The following ANKS1B variants were observed in gnomAD, a reference collection of about 807,000 sequenced individuals.
ANKS1B encodes the protein ankyrin repeat and sterile alpha motif domain-containing protein 1B.
Under a neutral mutation model 148.3 loss-of-function variants are expected in ANKS1B, and 36 were observed. The observed-to-expected ratio is 0.24, with a 90% CI of 0.19 to 0.32. The LOEUF (loss-of-function observed/expected upper bound fraction) is 0.32. ANKS1B is among the 10% of genes least tolerant of loss of function. ANKS1B has a pLI of 1.00. For missense variants in ANKS1B, 1,157 were observed against 1,542.6 expected (o/e 0.75, Z 4.19); for synonymous variants, 542 against 560.8 (o/e 0.97, Z 0.47).
intron 2 of ANKS1B, among the ~76,000 whole-genome samples, chr12:99,816,034 C>T (rs79558142): frequency 0.016 from 2,469 of 151,850 alleles, 77 homozygotes; most frequent in African/African-American, 0.056. Context: ...GATAGATCTG[C>T]TTTTAGTTCT....
At chr12:98,746,915 C>T (rs1019399685) in intron 26 of ANKS1B, among the ~76,000 whole-genome samples, 1 of 152,130 alleles carries the variant, frequency 6.6e-6, no homozygotes, top group African/African-American at 2.4e-5. Flanking sequence ...CAGAAATCAA[C>T]TCAAAATGGA....
At chr12:98,845,471 C>T (rs972093057) in intron 17 of ANKS1B, among the ~76,000 whole-genome samples, 1 of 152,136 alleles carries the variant, frequency 6.6e-6, no homozygotes, top group Non-Finnish European at 1.5e-5. Context: ...AAATGTAAGG[C>T]TGGGTGCTTA....
intron 20 of ANKS1B, among the ~76,000 whole-genome samples, chr12:98,803,240 C>A (rs2099020757): frequency 6.6e-6 from 1 of 152,056 alleles, no homozygotes; most frequent in Non-Finnish European, 1.5e-5. Context: ...ATTTCAATAT[C>A]ATTTTGAAGC....
chr12:99,155,115 C>A (rs923040837), intron 14 of ANKS1B: 3 of 1,507,528 alleles, frequency 2.0e-6, no homozygotes, highest in African/African-American at 2.8e-5. Flanking sequence ...TGGAATTTTA[C>A]GTTTCAAAAG....
At chr12:99,674,070 G>A (rs898172250) in intron 8 of ANKS1B, among the ~76,000 whole-genome samples, 6 of 151,532 alleles carry the variant, frequency 4.0e-5, no homozygotes, top group Middle Eastern at 3.2e-3. Flanking sequence ...AAGAAACGTT[G>A]GTGCCCTAGG....
intron 8 of ANKS1B, among the ~76,000 whole-genome samples, chr12:99,673,397 T>C (rs2098547486): frequency 2.0e-5 from 3 of 152,146 alleles, no homozygotes; most frequent in South Asian, 4.1e-4. Flanking sequence ...TACTTTGTTT[T>C]TACATCCCAA....
At position 99,606,170 on chromosome 12, in the gene ANKS1B, T is replaced by C. The variant is rs563307894; in HGVS notation, c.1272+48897A>G. Among the ~76,000 whole-genome samples, 101 of 152,232 alleles carry C rather than the reference T, an allele frequency of 6.6e-4. 2 individuals carry two copies. The highest frequency in any genetic ancestry group is 1.9e-3 in the South Asian group (9 of 4,802). On this transcript the variant is annotated intron_variant, in intron 9 of 26. Coordinates refer to ENST00000683438, the MANE Select transcript of ANKS1B (RefSeq NM_001352186.2). ...GTCTATTCAGATCTTTCACCCATTTTTTTTAGTGAAATTATATGCTTTTTT... is the reference window on the plus strand; with the variant it reads ...GTCTATTCAGATCTTTCACCCATTTCTTTTAGTGAAATTATATGCTTTTTT...
intron 9 of ANKS1B, among the ~76,000 whole-genome samples, chr12:99,606,162 A>G (rs1416096113): frequency 6.6e-6 from 1 of 151,866 alleles, no homozygotes; most frequent in Non-Finnish European, 1.5e-5. Flanking sequence ...CAGATCTTTC[A>G]CCCATTTTTT....
intron 17 of ANKS1B, among the ~76,000 whole-genome samples, chr12:98,995,201 T>C (rs1432670620): frequency 6.6e-6 from 1 of 152,218 alleles, no homozygotes; most frequent in Non-Finnish European, 1.5e-5. Context: ...TATTGAGTCT[T>C]ACCATGTACC....
rs556257473 is a variant in ANKS1B, at chr12:99,415,033, A to T, written c.1576-15222T>A. On this transcript the variant is annotated intron_variant, in intron 11 of 26. Coordinates refer to ENST00000683438, the MANE Select transcript of ANKS1B (RefSeq NM_001352186.2). ...GACTGTATACACACATGAGAGGATA[A>T]TAAAAGTTCTAGTTTTTATTCTAGT... 3.9e-5 allele frequency among the ~76,000 whole-genome samples: 6 copies of T among 152,330 alleles called. No individual in the cohort carries two copies. The East Asian group carries it at 9.6e-4, about 24-fold the overall frequency.
At chr12:99,623,850 A>G (rs923239889) in intron 9 of ANKS1B, among the ~76,000 whole-genome samples, 1 of 152,098 alleles carries the variant, frequency 6.6e-6, no homozygotes, top group African/African-American at 2.4e-5. Flanking sequence ...TACATTTTCA[A>G]CGTGATTTCT....
At chr12:99,910,603 G>A (rs565287510) in intron 1 of ANKS1B, among the ~76,000 whole-genome samples, 10 of 152,172 alleles carry the variant, frequency 6.6e-5, no homozygotes, top group South Asian at 2.1e-4. Flanking sequence ...TTTTTAGAGC[G>A]ATGAACATAT....
Position 99,711,516 on chromosome 12 carries a change from C to T in ANKS1B, c.1129-56306G>A, listed in dbSNP as rs537461417. 5.0e-4 allele frequency among the ~76,000 whole-genome samples: 76 copies of T among 152,064 alleles called. 2 individuals are homozygous for T. In the South Asian group the frequency reaches 0.016, roughly 31 times the overall value. Reference sequence around the variant, plus strand: ...AAACAAAATGACAAAAAAGAGCAAACAACCACATTTAAAAGTGGGCAAAGA... The same window carrying T: ...AAACAAAATGACAAAAAAGAGCAAATAACCACATTTAAAAGTGGGCAAAGA... On this transcript the variant is annotated intron_variant, in intron 8 of 26. Coordinates refer to ENST00000683438, the MANE Select transcript of ANKS1B (RefSeq NM_001352186.2).
At chr12:99,524,605 G>A (rs1019835205) in intron 9 of ANKS1B, among the ~76,000 whole-genome samples, 3 of 152,088 alleles carry the variant, frequency 2.0e-5, no homozygotes, top group Non-Finnish European at 2.9e-5. Flanking sequence ...TTTTCATGCC[G>A]CTCATAAAGA....
Position 99,244,425 on chromosome 12 carries a change from C to A in ANKS1B, c.2347-11G>T. 6.4e-7 allele frequency: 1 copy of A among 1,567,092 alleles called. No individual in the cohort carries two copies. On this transcript the variant is annotated splice_polypyrimidine_tract_variant and intron_variant, in intron 13 of 26. Transcript: ENST00000683438. ...CATTATTTTGTCAATCTGTAAGAAA[C>A]AAAAACCATTTAAATGGATTGTTAC...
rs7398454 is a variant in ANKS1B, at chr12:99,812,560, G to C, written c.216-249C>G. Reference sequence around the variant, plus strand: ...ACACACACACACACACACACACACAGAGAGAGAGAGAGAGAGAAAGAGAGC... The same window carrying C: ...ACACACACACACACACACACACACACAGAGAGAGAGAGAGAGAAAGAGAGC... On this transcript the variant is annotated intron_variant, in intron 2 of 26. Transcript: ENST00000683438. Among the ~76,000 whole-genome samples, 896 of 30,498 alleles carry C rather than the reference G, an allele frequency of 0.029. 6 individuals are homozygous for C. The highest frequency in any genetic ancestry group is 0.06 in the African/African-American group (395 of 6,552). The allele number at this position is 30,498 out of a possible 152,430, so 20.0% of individuals were successfully genotyped here.
chr12:99,086,407 G>A (rs1304462368), intron 15 of ANKS1B, among the ~76,000 whole-genome samples: 4 of 152,190 alleles, frequency 2.6e-5, no homozygotes, highest in African/African-American at 9.6e-5. Context: ...GGCTGAATGA[G>A]TAAGCAGAGG....
intron 10 of ANKS1B, among the ~76,000 whole-genome samples, chr12:99,493,613 G>A (rs1234413219): frequency 2.0e-5 from 3 of 152,094 alleles, no homozygotes; most frequent in Non-Finnish European, 4.4e-5. Flanking sequence ...AAGACCTGGC[G>A]CTTATTTGAA....
chr12:99,411,624 T>G (rs114183457), intron 11 of ANKS1B, among the ~76,000 whole-genome samples: 1,956 of 152,314 alleles, frequency 0.013, 40 homozygotes, highest in African/African-American at 0.044. Flanking sequence ...AAATATTTTT[T>G]TCTCAAAATG....
Sources: gnomAD v4.1 joint callset for allele counts (sites outside exome capture counted in the v4.1 genomes callset) on GRCh38, gnomAD v4.1.1 for gene constraint, MANE v1.5 for transcripts, NCBI Gene and HGNC (gene_info 2026-07-23, HGNC 2026-07-21) for gene names.